Variants in MRC1 observed in about 807,000 individuals in gnomAD.
The protein encoded by MRC1 is mannose receptor C-type 1.
A neutral mutation model predicts 102.9 loss-of-function variants in MRC1; 62 were observed. The ratio of observed to expected loss-of-function variants is 0.60; its 90% CI spans 0.49 to 0.74. The LOEUF (loss-of-function observed/expected upper bound fraction) is 0.74, where lower values mean the gene tolerates loss of function less well. Ranked by LOEUF, MRC1 falls within the 30% of genes least tolerant of loss-of-function variation. The pLI is 0.00. For synonymous variants in MRC1, 457 were observed against 298.4 expected, an observed-to-expected ratio of 1.53 and a Z score of -5.48; for missense variants, 1,237 against 862.8, an observed-to-expected ratio of 1.43 and a Z score of -5.43.
At chr10:17,851,968 G>A (rs1838924124) in intron 7 of MRC1, among the ~76,000 whole-genome samples, 2 of 152,132 alleles carry the variant, frequency 1.3e-5, no homozygotes, top group East Asian at 1.9e-4. Context: ...ACAATACTTT[G>A]GCAACTAATT....
At chr10:17,872,513 T>C (rs1010946910) in intron 15 of MRC1, among the ~76,000 whole-genome samples, 3 of 152,222 alleles carry the variant, frequency 2.0e-5, no homozygotes, top group Non-Finnish European at 4.4e-5. Context: ...TAGTTGAACA[T>C]TTCCCCAAGT....
intron 21 of MRC1, among the ~76,000 whole-genome samples, chr10:17,882,349 G>C (rs1833532095): frequency 6.6e-6 from 1 of 151,830 alleles, no homozygotes; most frequent in Non-Finnish European, 1.5e-5. Flanking sequence ...CAGGGAAATA[G>C]ATTTAGGCTC....
chr10:17,867,448 G>A (rs929086209), intron 12 of MRC1, among the ~76,000 whole-genome samples: 4 of 148,182 alleles, frequency 2.7e-5, no homozygotes, highest in Middle Eastern at 3.2e-3. Context: ...TCTCCAGTGG[G>A]GTCGTGCTCT....
intron 17 of MRC1, among the ~76,000 whole-genome samples, chr10:17,877,576 A>G (rs945739395): frequency 8.6e-5 from 13 of 151,992 alleles, no homozygotes; most frequent in Admixed American, 7.9e-4. Context: ...TTTGTAAAGC[A>G]AATACCTTAA....
In MRC1 at chr10:17,881,202, T is replaced by G. The variant is rs984576776; in HGVS notation, c.2980+21T>G. The G allele has an allele frequency of 2.3e-4, 181 of 778,758 alleles. No individual in the cohort carries two copies. The East Asian group carries it at 4.1e-3, about 18-fold the overall frequency. 48.2% of individuals were successfully genotyped at this position (778,758 alleles called of 1,614,324 possible). ...GCAAGGTAGGCAGGCCATTTTGCAA[T>G]TAGTTGTGTGTTTAAATATGGAATT... On this transcript the variant is annotated intron_variant, in intron 21 of 29. Coordinates refer to ENST00000569591, the MANE Select transcript of MRC1 (RefSeq NM_002438.4).
rs982832246 is a variant in MRC1, at chr10:17,833,736, C to T, written c.699C>T (p.Asn233=). 4 of 780,904 alleles carry T rather than the reference C, an allele frequency of 5.1e-6. No homozygotes were observed. Among genetic ancestry groups the T allele is most frequent in the Non-Finnish European group, 9.6e-6 (4 of 418,142 alleles). The allele number at this position is 780,904 out of a possible 1,614,324, so 48.4% of individuals were successfully genotyped here. ...DPLTSVSYQI[N]SKSALTWHQA... is the part of the protein sequence containing the mutation. ...TGACCAGCGTTTCCTACCAGATAAACTCCAAATCCGCTTTAACGTGGCACC... is the reference window on the plus strand; with the variant it reads ...TGACCAGCGTTTCCTACCAGATAAATTCCAAATCCGCTTTAACGTGGCACC... The change falls in exon 4 of 30, where the codon AAC becomes AAT. Residue 233 remains asparagine (N), a synonymous_variant. Coordinates refer to ENST00000569591, the MANE Select transcript of MRC1 (RefSeq NM_002438.4).
At chr10:17,815,595 A>G (rs1838298569) in intron 1 of MRC1, among the ~76,000 whole-genome samples, 3 of 152,176 alleles carry the variant, frequency 2.0e-5, no homozygotes, top group South Asian at 4.2e-4. Flanking sequence ...GAAGGTGTAG[A>G]TATTCATATC....
Position 17,833,809 on chromosome 10 carries a change from A to G in MRC1, c.772A>G (p.Thr258Ala). Residue 258 changes from threonine (T) to alanine (A), a missense_variant, in exon 4 of 30, where the codon ACA becomes GCA. Thr to Ala is a moderately conservative substitution (Grantham distance 58). Transcript: ENST00000569591. The stretch of plus-strand genomic sequence containing the variant: ...ACAGAACGCTGAGCTCCTGAGCATC[A>G]CAGAGATTCATGAGCAAACATACCT... ...QQQNAELLSI[T>A]EIHEQTYLTG... 1.3e-6 allele frequency: 1 copy of G among 781,130 alleles called. No homozygotes were observed. Among genetic ancestry groups the G allele is most frequent in the Non-Finnish European group, 2.4e-6 (1 of 418,140 alleles). 48.4% of individuals were successfully genotyped at this position (781,130 alleles called of 1,614,324 possible).
chr10:17,828,361 C>T lies in MRC1; in HGVS notation c.637+646C>T, dbSNP rs1316393142. 2.4e-4 allele frequency among the ~76,000 whole-genome samples: 36 copies of T among 151,618 alleles called. No individual in the cohort carries two copies. In the East Asian group the frequency reaches 6.4e-3, roughly 27 times the overall value. On this transcript the variant is annotated intron_variant, in intron 3 of 29. Transcript: ENST00000569591. ...AAGTGTTGGGTTTACAGGCATGAGC[C>T]GGCGCGCCCGACTATGACCTCTTTA... is the stretch of plus-strand genomic sequence containing the variant.
chr10:17,809,440 G>A lies in MRC1; in HGVS notation c.-26G>A. ...TTAGTTCCGCCCTCCTGTCCATCAG[G>A]AGAAGGAAAGGATAAACCCTGGGCC... On this transcript the variant is annotated 5_prime_UTR_variant, in exon 1 of 30. Transcript: ENST00000569591. 5 of 872,592 alleles carry A rather than the reference G, an allele frequency of 5.7e-6. No individual in the cohort carries two copies. Among genetic ancestry groups the A allele is most frequent in the Non-Finnish European group, 1.0e-5 (5 of 501,398 alleles). 54.1% of individuals were successfully genotyped at this position (872,592 alleles called of 1,614,324 possible).
At chr10:17,827,915 C>A (rs1216656656) in intron 3 of MRC1, among the ~76,000 whole-genome samples, 200 bp downstream of exon 3, 1 of 152,050 alleles carries the variant, frequency 6.6e-6, no homozygotes, top group Non-Finnish European at 1.5e-5. Flanking sequence ...AAGACTAGAA[C>A]ACAGATGTTG....
chr10:17,824,832 C>T (rs1363170068), intron 2 of MRC1, among the ~76,000 whole-genome samples: 2 of 152,086 alleles, frequency 1.3e-5, no homozygotes, highest in African/African-American at 4.8e-5. Flanking sequence ...CCCTCACCCC[C>T]TACCCTTTCT....
At chr10:17,813,405 A>AT (rs1838254715) in intron 1 of MRC1, among the ~76,000 whole-genome samples, 1 of 152,174 alleles carries the variant, frequency 6.6e-6, no homozygotes. Context: ...TCATGTGATT[A>AT]TCACAGTAGT....
At chr10:17,832,263 T>C (rs1163847071) in intron 3 of MRC1, among the ~76,000 whole-genome samples, 1 of 151,442 alleles carries the variant, frequency 6.6e-6, no homozygotes, top group Non-Finnish European at 1.5e-5. Context: ...CTTTACTAGA[T>C]CAAGGAATTT....
At chr10:17,857,812 CTTG>C (rs1160600118) in intron 9 of MRC1, among the ~76,000 whole-genome samples, 2 of 152,178 alleles carry the variant, frequency 1.3e-5, no homozygotes, top group Non-Finnish European at 1.5e-5. Context: ...AAATCACAGG[CTTG>C]TTGTTGTTGC....
rs782616938 is a variant in MRC1, at chr10:17,827,372, C to CAAAAAAAAAAAAAAAAAAAAAAA, written c.464-154_464-132dup. Among the ~76,000 whole-genome samples the CAAAAAAAAAAAAAAAAAAAAAAA allele has an allele frequency of 1.1e-4, 7 of 64,030 alleles. 3 individuals are homozygous for CAAAAAAAAAAAAAAAAAAAAAAA. The highest frequency in any genetic ancestry group is 1.5e-4 in the African/African-American group (3 of 19,730). The allele number at this position is 64,030 out of a possible 152,430, so 42.0% of individuals were successfully genotyped here. A position where few individuals can be genotyped will look rare whatever the true frequency, so the allele number is the denominator to read the frequency against. On this transcript the variant is annotated intron_variant, in intron 2 of 29. Transcript: ENST00000569591. ...TAGAAGGAGAAGGAAAAAAAATACC[C>CAAAAAAAAAAAAAAAAAAAAAAA]AAAAAAAAAAAAAAAAAAAAAAAAA...
chr10:17,837,848 G>C (rs1838692995), intron 4 of MRC1, among the ~76,000 whole-genome samples: 1 of 151,958 alleles, frequency 6.6e-6, no homozygotes, highest in African/African-American at 2.4e-5. Flanking sequence ...TGATCTACCA[G>C]CCTCAGCCTA....
intron 21 of MRC1, among the ~76,000 whole-genome samples, chr10:17,884,112 G>A (rs982336836): frequency 3.9e-5 from 6 of 152,230 alleles, no homozygotes; most frequent in East Asian, 1.9e-4. Flanking sequence ...GACTACAGGC[G>A]CATGACACCG....
chr10:17,841,131 A>G (rs1372574762), intron 5 of MRC1, among the ~76,000 whole-genome samples: 1 of 152,244 alleles, frequency 6.6e-6, no homozygotes, highest in Non-Finnish European at 1.5e-5. Flanking sequence ...ACTCTTAAAC[A>G]TGATTTACTA....
Sources: allele counts gnomAD v4.1 joint callset (sites outside exome capture counted in the v4.1 genomes callset), GRCh38; gene constraint gnomAD v4.1.1; transcripts MANE v1.5; gene names NCBI Gene and HGNC (gene_info 2026-07-23, HGNC 2026-07-21).